TTC27: variants seen among roughly 807,000 people sequenced by gnomAD.
TTC27 encodes tetratricopeptide repeat domain 27, also known as tetratricopeptide repeat protein 27.
Under a neutral mutation model 115.9 loss-of-function variants are expected in TTC27, and 79 were observed. The observed-to-expected ratio is 0.68, with a 90% confidence interval of 0.57 to 0.82. The LOEUF (loss-of-function observed/expected upper bound fraction) is 0.82, where lower values mean the gene tolerates loss of function less well. Among genes scored for constraint, TTC27 ranks in the 40% least tolerant of loss-of-function variants. The pLI, the probability that TTC27 is intolerant of heterozygous loss-of-function variation, is 0.00. For synonymous variants in TTC27, 401 were observed against 356.0 expected, an observed-to-expected ratio of 1.13 and a Z score of -1.42; for missense variants, 1,054 against 993.1, an observed-to-expected ratio of 1.06 and a Z score of -0.82.
intron 5 of TTC27, among the ~76,000 whole-genome samples, chr2:32,656,864 C>T (rs965826212): frequency 6.6e-6 from 1 of 152,176 alleles, no homozygotes; most frequent in Non-Finnish European, 1.5e-5. Context: ...AAACTAACTG[C>T]ATATTGAATC....
intron 10 of TTC27, among the ~76,000 whole-genome samples, chr2:32,731,499 G>A (rs191092449): frequency 1.7e-4 from 26 of 152,090 alleles, no homozygotes; most frequent in South Asian, 1.2e-3. Context: ...CTTCAGCCTC[G>A]TAAATAGCTG....
At chr2:32,679,657 T>C (rs1420748498) in intron 9 of TTC27, among the ~76,000 whole-genome samples, 1 of 152,228 alleles carries the variant, frequency 6.6e-6, no homozygotes, top group Non-Finnish European at 1.5e-5. Flanking sequence ...TTGTTATTTT[T>C]CAGATAAGGC....
intron 13 of TTC27, among the ~76,000 whole-genome samples, chr2:32,767,713 G>A (rs1355167842): frequency 5.3e-5 from 8 of 150,458 alleles, no homozygotes; most frequent in African/African-American, 1.2e-4. Flanking sequence ...CACCCGCCTC[G>A]GCCTCCCAAA....
At chr2:32,655,016 T>A (rs2151872882) in intron 5 of TTC27, among the ~76,000 whole-genome samples, 1 of 147,114 alleles carries the variant, frequency 6.8e-6, no homozygotes, top group South Asian at 2.2e-4. Context: ...TGAGACAGAG[T>A]TTCACTCTGT....
At chr2:32,723,721 TCCC>T in intron 10 of TTC27, among the ~76,000 whole-genome samples, 1 of 37,562 alleles carries the variant, frequency 2.7e-5, no homozygotes, top group Non-Finnish European at 4.9e-5. Flanking sequence ...CCTCCCTCCC[TCCC>T]TCCCTCCTTC....
intron 6 of TTC27, among the ~76,000 whole-genome samples, chr2:32,665,034 A>T (rs1025654190): frequency 2.0e-5 from 3 of 150,780 alleles, no homozygotes; most frequent in Non-Finnish European, 4.4e-5. Flanking sequence ...TTTAGTAGGG[A>T]TGTGGTTTCA....
At chr2:32,807,669 T>C (rs1276206002) in intron 16 of TTC27, among the ~76,000 whole-genome samples, 1 of 152,158 alleles carries the variant, frequency 6.6e-6, no homozygotes, top group Non-Finnish European at 1.5e-5. Flanking sequence ...AATAATCGTC[T>C]TGGTTTTTAT....
chr2:32,736,611 G>A, intron 11 of TTC27, 83 bp from the exon 12 acceptor site: 4 of 1,512,602 alleles, frequency 2.6e-6, no homozygotes, highest in South Asian at 1.2e-5. Context: ...CCCCTAAAAA[G>A]GCAGATTAGG....
chr2:32,801,193 A>C (rs988125752), intron 16 of TTC27, among the ~76,000 whole-genome samples: 1 of 152,182 alleles, frequency 6.6e-6, no homozygotes, highest in African/African-American at 2.4e-5. Context: ...TTAAAAATGC[A>C]ATGTTAGTTT....
intron 4 of TTC27, among the ~76,000 whole-genome samples, chr2:32,640,764 C>T (rs1048919611): frequency 1.3e-5 from 2 of 152,116 alleles, no homozygotes; most frequent in South Asian, 2.1e-4. Context: ...GGACGGGTCA[C>T]CTGAGGTCAG....
intron 16 of TTC27, among the ~76,000 whole-genome samples, chr2:32,788,126 A>G (rs1670409235): frequency 6.6e-6 from 1 of 152,338 alleles, no homozygotes; most frequent in Admixed American, 6.5e-5. Flanking sequence ...TTTACTAGGA[A>G]AGATTTCTGA....
chr2:32,687,873 C>T (rs940392197), intron 9 of TTC27, among the ~76,000 whole-genome samples: 1 of 152,066 alleles, frequency 6.6e-6, no homozygotes, highest in Non-Finnish European at 1.5e-5. Flanking sequence ...TTTTAACACC[C>T]CTCTGTCAGC....
At chr2:32,648,502 C>G (rs1664955684) in intron 4 of TTC27, among the ~76,000 whole-genome samples, 1 of 149,868 alleles carries the variant, frequency 6.7e-6, no homozygotes, top group Non-Finnish European at 1.5e-5. Context: ...GTCTCAAACT[C>G]CTAGCCTCGA....
At chr2:32,660,909 G>A (rs1426894696) in intron 5 of TTC27, among the ~76,000 whole-genome samples, 6 of 151,356 alleles carry the variant, frequency 4.0e-5, no homozygotes, top group South Asian at 2.1e-4. Flanking sequence ...TAGGTCTTAC[G>A]TTTAAGTCTT....
At position 32,758,421 on chromosome 2, in the gene TTC27, C is replaced by T. The variant is rs762694296; in HGVS notation, c.1582C>T (p.Arg528Cys). Reference protein sequence around the residue: ...AWELSRYRSARAQRSKALLHL... With the variant: ...AWELSRYRSACAQRSKALLHL... ...GGAGTTGTCCCGGTACCGCAGTGCTCGTGCTCAGCGCTCCAAAGCCCTCCT... is the reference window on the plus strand; with the variant it reads ...GGAGTTGTCCCGGTACCGCAGTGCTTGTGCTCAGCGCTCCAAAGCCCTCCT... Residue 528 changes from arginine (R) to cysteine (C), a missense_variant, in exon 13 of 20, where the codon CGT becomes TGT. Transcript: ENST00000317907. The T allele has an allele frequency of 5.3e-5, 85 of 1,614,068 alleles. No homozygotes were observed. The highest frequency in any genetic ancestry group is 6.8e-5 in the Non-Finnish European group (80 of 1,180,042).
intron 13 of TTC27, among the ~76,000 whole-genome samples, chr2:32,774,301 C>A (rs1021290608): frequency 6.6e-6 from 1 of 151,422 alleles, no homozygotes; most frequent in Non-Finnish European, 1.5e-5. Context: ...CCACCTCAGT[C>A]TCCCGAGTAG....
chr2:32,702,548 GATGCCCCTTCTAGGA>G (rs1283881443), intron 9 of TTC27, among the ~76,000 whole-genome samples: 1 of 152,124 alleles, frequency 6.6e-6, no homozygotes, highest in Non-Finnish European at 1.5e-5. Flanking sequence ...TCTTTGTTAA[GATGCCCCTTCTAGGA>G]ATGCATTTTC....
intron 10 of TTC27, among the ~76,000 whole-genome samples, chr2:32,719,215 G>A (rs1667845544): frequency 6.6e-6 from 1 of 152,186 alleles, no homozygotes; most frequent in African/African-American, 2.4e-5. Context: ...TGTGCATAGA[G>A]CAGTGAACTA....
intron 5 of TTC27, among the ~76,000 whole-genome samples, chr2:32,653,870 T>A (rs1027443252): frequency 4.6e-5 from 7 of 152,190 alleles, no homozygotes; most frequent in Admixed American, 6.6e-5. Flanking sequence ...AACCTCCTGA[T>A]TTATTAAAAT....
Sources: allele counts gnomAD v4.1 joint callset (sites outside exome capture counted in the v4.1 genomes callset), GRCh38; gene constraint gnomAD v4.1.1; transcripts MANE v1.5; gene names NCBI Gene and HGNC (gene_info 2026-07-23, HGNC 2026-07-21).